Variants in CLMP observed in about 807,000 individuals in gnomAD.
CLMP encodes the protein CXADR-like membrane protein.
In CLMP, 27 loss-of-function variants were observed where a neutral mutation model predicts 45.2. The observed-to-expected ratio is 0.60, with a 90% CI of 0.44 to 0.82. CLMP has a LOEUF of 0.82. Ranked by LOEUF, CLMP falls within the 40% of genes least tolerant of loss-of-function variation. CLMP has a pLI of 0.00. For synonymous variants in CLMP, 167 were observed against 171.4 expected (o/e 0.97, Z 0.20); for missense variants, 403 against 448.4 (o/e 0.90, Z 0.91).
intron 1 of CLMP, among the ~76,000 whole-genome samples, chr11:123,113,426 G>A (rs1264179039): frequency 3.9e-5 from 6 of 152,180 alleles, no homozygotes; most frequent in Non-Finnish European, 7.3e-5. Flanking sequence ...TTTAGTGGAG[G>A]AAGATCACTA....
intron 2 of CLMP, among the ~76,000 whole-genome samples, chr11:123,088,059 T>C (rs1865886333): frequency 1.3e-5 from 2 of 151,768 alleles, no homozygotes; most frequent in Non-Finnish European, 2.9e-5. Flanking sequence ...TACAGGCATG[T>C]GCCACCAGGC....
At chr11:123,112,700 T>G (rs1454216149) in intron 1 of CLMP, among the ~76,000 whole-genome samples, 2 of 151,948 alleles carry the variant, frequency 1.3e-5, no homozygotes, top group Non-Finnish European at 2.9e-5. Flanking sequence ...ATTTACATTC[T>G]CTTATTGTCA....
intron 1 of CLMP, among the ~76,000 whole-genome samples, chr11:123,162,763 A>C (rs1459761253): frequency 2.6e-5 from 4 of 151,864 alleles, no homozygotes; most frequent in African/African-American, 7.3e-5. Flanking sequence ...GCAGCCAGGC[A>C]TGGTGGCAAG....
At chr11:123,158,311 C>T (rs907580248) in intron 1 of CLMP, among the ~76,000 whole-genome samples, 3 of 152,176 alleles carry the variant, frequency 2.0e-5, no homozygotes, top group African/African-American at 4.8e-5. Context: ...ACTCTCAATG[C>T]GTCTAGATAA....
chr11:123,167,828 C>A (rs1448954034), intron 1 of CLMP, among the ~76,000 whole-genome samples: 1 of 152,178 alleles, frequency 6.6e-6, no homozygotes, highest in African/African-American at 2.4e-5. Flanking sequence ...AAAGGGGAAG[C>A]TCTTCCCTAG....
intron 5 of CLMP, among the ~76,000 whole-genome samples, chr11:123,080,624 G>A (rs902633031): frequency 2.0e-5 from 3 of 152,038 alleles, no homozygotes; most frequent in Non-Finnish European, 2.9e-5. Context: ...ACTGCGCCTC[G>A]ACAAAGGTAT....
chr11:123,103,661 C>T (rs1860484856), intron 1 of CLMP, among the ~76,000 whole-genome samples: 1 of 152,120 alleles, frequency 6.6e-6, no homozygotes, highest in Non-Finnish European at 1.5e-5. Context: ...ACTGAGATTT[C>T]TACAGATTTC....
intron 1 of CLMP, among the ~76,000 whole-genome samples, chr11:123,135,179 G>A (rs1457608155): frequency 6.6e-6 from 1 of 150,632 alleles, no homozygotes; most frequent in Non-Finnish European, 1.5e-5. Context: ...AGAATGGCTT[G>A]AACCCGGGAG....
intron 5 of CLMP, among the ~76,000 whole-genome samples, chr11:123,081,515 G>GT (rs1425858236): frequency 6.6e-6 from 1 of 152,158 alleles, no homozygotes; most frequent in African/African-American, 2.4e-5. Context: ...AACACCCACT[G>GT]TATGTCAAGC....
At chr11:123,093,932 C>G (rs1302053261) in intron 2 of CLMP, among the ~76,000 whole-genome samples, 1 of 152,088 alleles carries the variant, frequency 6.6e-6, no homozygotes, top group South Asian at 2.1e-4. Context: ...TAAAACTGCT[C>G]TGAATGGAGA....
At chr11:123,102,109 G>A (rs1860452982) in intron 1 of CLMP, among the ~76,000 whole-genome samples, 1 of 151,796 alleles carries the variant, frequency 6.6e-6, no homozygotes, top group Non-Finnish European at 1.5e-5. Flanking sequence ...ACCTGAGCTT[G>A]GAAAGTCGAG....
At chr11:123,171,957 G>A (rs1861640707) in intron 1 of CLMP, among the ~76,000 whole-genome samples, 1 of 151,880 alleles carries the variant, frequency 6.6e-6, no homozygotes, top group Non-Finnish European at 1.5e-5. Flanking sequence ...CTTCCAGGCT[G>A]TTTTCTAAGC....
At chr11:123,101,150 C>T (rs947201850) in intron 1 of CLMP, among the ~76,000 whole-genome samples, 4 of 152,190 alleles carry the variant, frequency 2.6e-5, no homozygotes, top group Non-Finnish European at 5.9e-5. Flanking sequence ...GCTCTGTCAC[C>T]CAGGCTGGAG....
At chr11:123,191,820 A>C (rs1861911696) in intron 1 of CLMP, among the ~76,000 whole-genome samples, 1 of 152,246 alleles carries the variant, frequency 6.6e-6, no homozygotes, top group African/African-American at 2.4e-5. Flanking sequence ...AAGGTACTGA[A>C]CATGGTTCAC....
intron 1 of CLMP, among the ~76,000 whole-genome samples, chr11:123,192,181 C>A (rs1325429488): frequency 6.6e-6 from 1 of 152,014 alleles, no homozygotes; most frequent in South Asian, 2.1e-4. Context: ...GGTTCCCTAC[C>A]GAGTATCTGG....
chr11:123,088,290 C>T (rs1048880814), intron 2 of CLMP, among the ~76,000 whole-genome samples: 5 of 152,054 alleles, frequency 3.3e-5, no homozygotes, highest in Admixed American at 1.3e-4. Flanking sequence ...GAAGGAAATG[C>T]GTTCACAACA....
chr11:123,192,077 A>AT (rs1334199366), intron 1 of CLMP, among the ~76,000 whole-genome samples: 1 of 152,236 alleles, frequency 6.6e-6, no homozygotes, highest in East Asian at 1.9e-4. Flanking sequence ...GTGGCAGGAA[A>AT]TAAGGAGGCA....
At chr11:123,173,555 G>T (rs1344005868) in intron 1 of CLMP, among the ~76,000 whole-genome samples, 1 of 152,164 alleles carries the variant, frequency 6.6e-6, no homozygotes, top group Non-Finnish European at 1.5e-5. Flanking sequence ...GAGGTTTGGG[G>T]TGATTAAGGA....
chr11:123,148,611 A>G (rs1431951751), intron 1 of CLMP, among the ~76,000 whole-genome samples: 1 of 152,244 alleles, frequency 6.6e-6, no homozygotes, highest in African/African-American at 2.4e-5. Context: ...CTTGGACAGT[A>G]GGAATCTTTA....
Sources: allele counts gnomAD v4.1 joint callset (sites outside exome capture counted in the v4.1 genomes callset), GRCh38; gene constraint gnomAD v4.1.1; transcripts MANE v1.5; gene names NCBI Gene and HGNC (gene_info 2026-07-23, HGNC 2026-07-21).